RAB15: variants seen among roughly 807,000 people sequenced by gnomAD.
RAB15 encodes RAB15, member RAS oncogene family.
In RAB15, 13 loss-of-function variants were observed where a neutral mutation model predicts 31.8. The ratio of observed to expected loss-of-function variants is 0.41; its 90% CI spans 0.27 to 0.65. The LOEUF (loss-of-function observed/expected upper bound fraction) is 0.65. Ranked by LOEUF, RAB15 falls within the 30% of genes least tolerant of loss-of-function variation. RAB15 has a pLI of 0.32. For synonymous variants in RAB15, 100 were observed against 105.6 expected (o/e 0.95, Z 0.33); for missense variants, 220 against 277.3 (o/e 0.79, Z 1.47).
intron 1 of RAB15, among the ~76,000 whole-genome samples, chr14:64,956,587 A>C (rs541822125): frequency 3.8e-4 from 58 of 152,296 alleles, no homozygotes; most frequent in Non-Finnish European, 7.6e-4. Context: ...ACATTAGGAC[A>C]AAAGTTTTGC....
chr14:64,951,585 C>T lies in RAB15; in HGVS notation c.246+18G>A. On this transcript the variant is annotated intron_variant, in intron 3 of 6. Coordinates refer to ENST00000533601, the MANE Select transcript of RAB15 (RefSeq NM_001308154.2). This position sits in a 1 kb window ranked among gnomAD's most constrained non-coding sequence, Gnocchi z 7.2. ...GGTGGCAGCTTCCCACTTTGAAACCCCCAATGTGGTGGCTTACCTGGGCCC... is the reference window on the plus strand; with the variant it reads ...GGTGGCAGCTTCCCACTTTGAAACCTCCAATGTGGTGGCTTACCTGGGCCC... 6.2e-7 allele frequency: 1 copy of T among 1,612,694 alleles called. No homozygotes were observed. The highest frequency in any genetic ancestry group is 2.2e-5 in the East Asian group (1 of 44,872).
intron 1 of RAB15, among the ~76,000 whole-genome samples, chr14:64,965,655 A>C (rs1328234301): frequency 1.3e-5 from 2 of 152,104 alleles, no homozygotes; most frequent in East Asian, 3.9e-4. Context: ...TGGATTACAG[A>C]AGAAGGCACT....
Position 64,948,084 on chromosome 14 carries a change from T to C in RAB15, c.*270A>G, listed in dbSNP as rs1594929589. ...TGGTGGGTGCGGGATGGTGAGACAG[T>C]GCTTGCGGCACATCGTGGGGGTCGT... On this transcript the variant is annotated 3_prime_UTR_variant, in exon 7 of 7. Transcript: ENST00000533601. This position sits in a 1 kb window ranked among gnomAD's most constrained non-coding sequence, Gnocchi z 7.0. 1 of 402,004 alleles carries C rather than the reference T, an allele frequency of 2.5e-6. No individual in the cohort carries two copies. Among genetic ancestry groups the C allele is most frequent in the Non-Finnish European group, 4.4e-6 (1 of 227,650 alleles). The allele number at this position is 402,004 out of a possible 1,614,324, so 24.9% of individuals were successfully genotyped here.
rs370511073 is a variant in RAB15 at position 64,967,606 on chromosome 14, G to A, written c.124+4347C>T. On this transcript the variant is annotated intron_variant, in intron 1 of 6. Transcript: ENST00000533601. Reference sequence around the variant, plus strand: ...GTCTCAAAAAAAAAAAAATAGAAAAGAAAAGAAAACCAACAACTCCTGAGC... The same window carrying A: ...GTCTCAAAAAAAAAAAAATAGAAAAAAAAAGAAAACCAACAACTCCTGAGC... 1.3e-3 allele frequency among the ~76,000 whole-genome samples: 197 copies of A among 151,284 alleles called. 2 individuals are homozygous for A. Among genetic ancestry groups the A allele is most frequent in the African/African-American group, 4.4e-3 (182 of 41,130 alleles).
Position 64,948,565 on chromosome 14 carries a change from AC to A in RAB15, c.481-54del. The stretch of plus-strand genomic sequence containing the variant: ...CAGTGTCTCCTCCTCTCCCCTGGCA[AC>A]CCTGCAGCGGCCTGAGGGATAAGGT... On this transcript the variant is annotated intron_variant, in intron 6 of 6. Coordinates refer to ENST00000533601, the MANE Select transcript of RAB15 (RefSeq NM_001308154.2). The surrounding 1 kb of genome is among the most constrained non-coding windows in gnomAD (Gnocchi z 7.0). The A allele has an allele frequency of 3.1e-6, 5 of 1,602,282 alleles. No homozygotes were observed. Among genetic ancestry groups the A allele is most frequent in the Non-Finnish European group, 4.3e-6 (5 of 1,173,338 alleles).
Position 64,954,432 on chromosome 14 carries a change from G to T in RAB15, c.125-1861C>A. ...AAGAACGAGAAATTTTCTCCAATTT[G>T]TAATATACCTGGTTTATCCTCACAC... On this transcript the variant is annotated intron_variant, in intron 1 of 6. Coordinates refer to ENST00000533601, the MANE Select transcript of RAB15 (RefSeq NM_001308154.2). This position sits in a 1 kb window ranked among gnomAD's most constrained non-coding sequence, Gnocchi z 4.3. 2 of 985,462 alleles carry T rather than the reference G, an allele frequency of 2.0e-6. No individual in the cohort carries two copies. The highest frequency in any genetic ancestry group is 2.4e-6 in the Non-Finnish European group (2 of 829,932). The allele number at this position is 985,462 out of a possible 1,614,324, so 61.0% of individuals were successfully genotyped here.
chr14:64,956,909 G>T (rs1446529739), intron 1 of RAB15, among the ~76,000 whole-genome samples: 1 of 151,520 alleles, frequency 6.6e-6, no homozygotes, highest in Non-Finnish European at 1.5e-5. Context: ...GTAACTTCAG[G>T]CAAGTCTCAA....
At position 64,958,369 on chromosome 14, in the gene RAB15, C is replaced by G. The variant is rs1886689755; in HGVS notation, c.125-5798G>C. Among the ~76,000 whole-genome samples, 1 of 152,200 alleles carries G rather than the reference C, an allele frequency of 6.6e-6. No homozygotes were observed. Among genetic ancestry groups the G allele is most frequent in the Non-Finnish European group, 1.5e-5 (1 of 68,048 alleles). Reference sequence around the variant, plus strand: ...AGAGGTCTGAGGGAGCTTGTTCCCTCTTCTGCCATGTGAGGATGGAGCTAG... The same window carrying G: ...AGAGGTCTGAGGGAGCTTGTTCCCTGTTCTGCCATGTGAGGATGGAGCTAG... On this transcript the variant is annotated intron_variant, in intron 1 of 6. Transcript: ENST00000533601. This position sits in a 1 kb window ranked among gnomAD's most constrained non-coding sequence, Gnocchi z 4.4.
Position 64,971,569 on chromosome 14 carries a change from C to T in RAB15, c.124+384G>A, listed in dbSNP as rs1393012524. ...TCAGTGACTCCGGTCTCCACCCTGA[C>T]CCCCTTTTCCGTAGCAGAAGCTTTA... On this transcript the variant is annotated intron_variant, in intron 1 of 6. Transcript: ENST00000533601. The surrounding 1 kb of genome is among the most constrained non-coding windows in gnomAD (Gnocchi z 4.1). 6.6e-6 allele frequency among the ~76,000 whole-genome samples: 1 copy of T among 152,020 alleles called. No individual in the cohort carries two copies. The highest frequency in any genetic ancestry group is 2.4e-5 in the African/African-American group (1 of 41,398).
chr14:64,968,324 T>C lies in RAB15; in HGVS notation c.124+3629A>G, dbSNP rs1182553662. 2.6e-5 allele frequency among the ~76,000 whole-genome samples: 4 copies of C among 152,178 alleles called. No individual in the cohort carries two copies. The highest frequency in any genetic ancestry group is 9.7e-5 in the African/African-American group (4 of 41,444). ...TGTTACTCCATCTGCTCCCTTCTGCTGCAGGAACTGACGAGCAGCCCACAC... is the reference window on the plus strand; with the variant it reads ...TGTTACTCCATCTGCTCCCTTCTGCCGCAGGAACTGACGAGCAGCCCACAC... On this transcript the variant is annotated intron_variant, in intron 1 of 6. Transcript: ENST00000533601. This position sits in a 1 kb window ranked among gnomAD's most constrained non-coding sequence, Gnocchi z 4.9.
chr14:64,950,478 G>C lies in RAB15; in HGVS notation c.325-64C>G, dbSNP rs1886189120. 1 of 1,332,454 alleles carries C rather than the reference G, an allele frequency of 7.5e-7. No individual in the cohort carries two copies. The highest frequency in any genetic ancestry group is 1.7e-5 in the Admixed American group (1 of 59,670). The allele number at this position is 1,332,454 out of a possible 1,614,324, so 82.5% of individuals were successfully genotyped here. A position where few individuals can be genotyped will look rare whatever the true frequency, so the allele number is the denominator to read the frequency against. Reference sequence around the variant, plus strand: ...GCCTGCCCCCCCAATTTTCCCTACAGAGTCTGCACTGCCTCCAGCCCACCA... The same window carrying C: ...GCCTGCCCCCCCAATTTTCCCTACACAGTCTGCACTGCCTCCAGCCCACCA... On this transcript the variant is annotated intron_variant, in intron 4 of 6. Coordinates refer to ENST00000533601, the MANE Select transcript of RAB15 (RefSeq NM_001308154.2). This position sits in a 1 kb window ranked among gnomAD's most constrained non-coding sequence, Gnocchi z 5.6.
chr14:64,960,747 A>T (rs916823723), intron 1 of RAB15, among the ~76,000 whole-genome samples: 1 of 152,158 alleles, frequency 6.6e-6, no homozygotes, highest in Non-Finnish European at 1.5e-5. Context: ...GGGGGAATGG[A>T]AAGAGCTCTA....
At position 64,953,165 on chromosome 14, in the gene RAB15, AG is replaced by A. The variant is rs1886355594; in HGVS notation, c.125-595del. 6.6e-6 allele frequency among the ~76,000 whole-genome samples: 1 copy of A among 152,214 alleles called. No individual in the cohort carries two copies. ...GGTTGCTGACTCACTCATTCACCAT[AG>A]GAGGCACTGTGGTTGACTAGAAGGA... On this transcript the variant is annotated intron_variant, in intron 1 of 6. Transcript: ENST00000533601. This position sits in a 1 kb window ranked among gnomAD's most constrained non-coding sequence, Gnocchi z 4.6.
Position 64,971,694 on chromosome 14 carries a change from C to T in RAB15, c.124+259G>A, listed in dbSNP as rs1887427160. ...AGGCCTACACCAGCTCCCCTCACCCCCGGTTTCTCGGTTTGATGGGACGGA... is the reference window on the plus strand; with the variant it reads ...AGGCCTACACCAGCTCCCCTCACCCTCGGTTTCTCGGTTTGATGGGACGGA... On this transcript the variant is annotated intron_variant, in intron 1 of 6. Coordinates refer to ENST00000533601, the MANE Select transcript of RAB15 (RefSeq NM_001308154.2). This position sits in a 1 kb window ranked among gnomAD's most constrained non-coding sequence, Gnocchi z 4.1. The T allele has an allele frequency of 3.8e-6, 2 of 530,524 alleles. No homozygotes were observed. Among genetic ancestry groups the T allele is most frequent in the Admixed American group, 3.4e-5 (1 of 29,630 alleles). The allele number at this position is 530,524 out of a possible 1,614,324, so 32.9% of individuals were successfully genotyped here.
chr14:64,948,068 C>A lies in RAB15; in HGVS notation c.*286G>T, dbSNP rs1043918415. On this transcript the variant is annotated 3_prime_UTR_variant, in exon 7 of 7. Coordinates refer to ENST00000533601, the MANE Select transcript of RAB15 (RefSeq NM_001308154.2). The surrounding 1 kb of genome is among the most constrained non-coding windows in gnomAD (Gnocchi z 7.0). ...AGCCCTGGCTGTTGTCTGGTGGGTG[C>A]GGGATGGTGAGACAGTGCTTGCGGC... is the stretch of plus-strand genomic sequence containing the variant. 1.1e-5 allele frequency: 4 copies of A among 370,360 alleles called. No individual in the cohort carries two copies. Among genetic ancestry groups the A allele is most frequent in the Non-Finnish European group, 1.9e-5 (4 of 207,732 alleles). 22.9% of individuals were successfully genotyped at this position (370,360 alleles called of 1,614,324 possible).
At position 64,955,481 on chromosome 14, in the gene RAB15, A is replaced by G. The variant is rs1886500454; in HGVS notation, c.125-2910T>C. ...CAAAGTCAACACACTGGCCTTATTG[A>G]GGCCTCTGCAGACGGATGCTTTCTC... is the stretch of plus-strand genomic sequence containing the variant. On this transcript the variant is annotated intron_variant, in intron 1 of 6. Coordinates refer to ENST00000533601, the MANE Select transcript of RAB15 (RefSeq NM_001308154.2). This position sits in a 1 kb window ranked among gnomAD's most constrained non-coding sequence, Gnocchi z 4.4. Among the ~76,000 whole-genome samples, 1 of 152,176 alleles carries G rather than the reference A, an allele frequency of 6.6e-6. No individual in the cohort carries two copies. The highest frequency in any genetic ancestry group is 2.1e-4 in the South Asian group (1 of 4,834).
In RAB15 at chr14:64,948,512, A is replaced by G. The variant is rs760818772; in HGVS notation, c.481T>C (p.Ser161Pro). Reference sequence around the variant, plus strand: ...ACCAGCTCTGTCAGACGCGTGAATGACTGGAAACCAAAGGGCACAGGTTAG... The same window carrying G: ...ACCAGCTCTGTCAGACGCGTGAATGGCTGGAAACCAAAGGGCACAGGTTAG... ...SACTNLNIKE[S>P]FTRLTELVLQ... Residue 161 changes from serine (S) to proline (P), a missense_variant and splice_region_variant, in exon 7 of 7, where the codon TCA becomes CCA. Transcript: ENST00000533601. This position sits in a 1 kb window ranked among gnomAD's most constrained non-coding sequence, Gnocchi z 7.0. 1 of 1,605,088 alleles carries G rather than the reference A, an allele frequency of 6.2e-7. No individual in the cohort carries two copies. The highest frequency in any genetic ancestry group is 8.5e-7 in the Non-Finnish European group (1 of 1,175,606).
chr14:64,950,543 T>G lies in RAB15; in HGVS notation c.325-129A>C. The G allele has an allele frequency of 1.2e-6, 1 of 802,958 alleles. No individual in the cohort carries two copies. Among genetic ancestry groups the G allele is most frequent in the South Asian group, 1.4e-5 (1 of 69,156 alleles). 49.7% of individuals were successfully genotyped at this position (802,958 alleles called of 1,614,324 possible). A position where few individuals can be genotyped will look rare whatever the true frequency, so the allele number is the denominator to read the frequency against. ...CTAGGGACAGGGTGGGCCGACTGGA[T>G]GCAGGTGCCAGGCTCCCCCAAGTGC... On this transcript the variant is annotated intron_variant, in intron 4 of 6. Transcript: ENST00000533601. This position sits in a 1 kb window ranked among gnomAD's most constrained non-coding sequence, Gnocchi z 5.6.
chr14:64,954,429 T>C lies in RAB15; in HGVS notation c.125-1858A>G, dbSNP rs1208807927. The C allele has an allele frequency of 1.0e-6, 1 of 985,350 alleles. No individual in the cohort carries two copies. The highest frequency in any genetic ancestry group is 1.1e-4 in the East Asian group (1 of 8,832). The allele number at this position is 985,350 out of a possible 1,614,324, so 61.0% of individuals were successfully genotyped here. On this transcript the variant is annotated intron_variant, in intron 1 of 6. Coordinates refer to ENST00000533601, the MANE Select transcript of RAB15 (RefSeq NM_001308154.2). This position sits in a 1 kb window ranked among gnomAD's most constrained non-coding sequence, Gnocchi z 4.3. Reference sequence around the variant, plus strand: ...AAGAAGAACGAGAAATTTTCTCCAATTTGTAATATACCTGGTTTATCCTCA... The same window carrying C: ...AAGAAGAACGAGAAATTTTCTCCAACTTGTAATATACCTGGTTTATCCTCA...
Sources: gnomAD v4.1 joint callset for allele counts (sites outside exome capture counted in the v4.1 genomes callset) on GRCh38, gnomAD v4.1.1 for gene constraint, Gnocchi (gnomAD v3.1) non-coding constraint, MANE v1.5 for transcripts, NCBI Gene and HGNC (gene_info 2026-07-23, HGNC 2026-07-21) for gene names.